Variants in DAB2IP observed in about 807,000 individuals in gnomAD.
The protein encoded by DAB2IP is DAB2 interacting protein.
In DAB2IP, 28 loss-of-function variants were observed where a neutral mutation model predicts 107.2. The observed-to-expected ratio is 0.26, with a 90% CI of 0.19 to 0.36. The LOEUF (loss-of-function observed/expected upper bound fraction) is 0.36. DAB2IP is among the 10% of genes least tolerant of loss of function. The probability of loss-of-function intolerance (pLI) is 1.00; values close to 1 mark genes in which losing one functional copy is unlikely to be tolerated. For missense variants in DAB2IP, 1,400 were observed against 1,644.7 expected, an observed-to-expected ratio of 0.85 and a Z score of 2.57; for synonymous variants, 755 against 706.4, an observed-to-expected ratio of 1.07 and a Z score of -1.09.
intron 1 of DAB2IP, among the ~76,000 whole-genome samples, chr9:121,654,578 T>C (rs1386147925): frequency 6.6e-6 from 1 of 151,996 alleles, no homozygotes; most frequent in African/African-American, 2.4e-5. Context: ...AGGGCAGCCA[T>C]TGCCCTCCCT....
intron 1 of DAB2IP, among the ~76,000 whole-genome samples, chr9:121,640,837 A>C (rs1193669911): frequency 6.6e-6 from 1 of 152,146 alleles, no homozygotes; most frequent in African/African-American, 2.4e-5. Context: ...GGCCTTCTGC[A>C]GTTCCCAGTT....
chr9:121,765,206 C>G (rs773065780), intron 8 of DAB2IP, among the ~76,000 whole-genome samples: 1 of 151,824 alleles, frequency 6.6e-6, no homozygotes, highest in Non-Finnish European at 1.5e-5. Context: ...CTTTCCCCCT[C>G]CCCCTCTTCC....
intron 1 of DAB2IP, among the ~76,000 whole-genome samples, chr9:121,665,356 A>G (rs946120755): frequency 6.6e-6 from 1 of 152,222 alleles, no homozygotes; most frequent in African/African-American, 2.4e-5. Context: ...GAAAATAAAT[A>G]AAGAAAAGAA....
chr9:121,646,101 G>A (rs1024560929), intron 1 of DAB2IP, among the ~76,000 whole-genome samples: 2 of 152,184 alleles, frequency 1.3e-5, no homozygotes, highest in African/African-American at 2.4e-5. Flanking sequence ...GTGTTCAAAT[G>A]TCCACGCTTG....
Position 121,593,101 on chromosome 9 carries a change from T to C in DAB2IP, c.40+25873T>C, listed in dbSNP as rs73661786. ...GAACGCGCCTGAATTTTTTAAATAA[T>C]TGAGACAGGGTCTTGTCTGCTGCCC... On this transcript the variant is annotated intron_variant, in intron 1 of 16. Transcript: ENST00000259371. Among the ~76,000 whole-genome samples the C allele has an allele frequency of 4.4e-3, 675 of 152,282 alleles. 7 individuals are homozygous for C. The highest frequency in any genetic ancestry group is 0.016 in the African/African-American group (647 of 41,558).
chr9:121,777,854 C>T (rs1181915485), intron 14 of DAB2IP, among the ~76,000 whole-genome samples: 1 of 152,246 alleles, frequency 6.6e-6, no homozygotes, highest in Non-Finnish European at 1.5e-5. Context: ...GAATTAACCT[C>T]TTTGTCATTA....
At chr9:121,705,214 G>T (rs1007720476) in intron 3 of DAB2IP, among the ~76,000 whole-genome samples, 2 of 152,240 alleles carry the variant, frequency 1.3e-5, no homozygotes, top group Non-Finnish European at 2.9e-5. Flanking sequence ...AAAGGCTGGA[G>T]AAGCCTTTCT....
chr9:121,778,134 C>G (rs548360313), intron 14 of DAB2IP, among the ~76,000 whole-genome samples: 18 of 152,342 alleles, frequency 1.2e-4, no homozygotes, highest in African/African-American at 4.3e-4. Flanking sequence ...TAGTGACTCT[C>G]TGCTTCATAT....
exon 1 of DAB2IP, chr9:121,567,140 G>C (rs749679985): frequency 6.2e-7 from 1 of 1,613,118 alleles, no homozygotes; most frequent in African/African-American, 1.3e-5. Context: ...CATGGAGACA[G>C]CCTCGGTTCA....
In DAB2IP at chr9:121,776,362, G is replaced by A. The variant is rs1186982778; in HGVS notation, c.3285G>A (p.Lys1095=). The stretch of plus-strand genomic sequence containing the variant: ...GGCTGCGGCGGCAGCAGGAGGACAA[G>A]GACATCCAGATGAAGGGCATCATCA... The change falls in exon 14 of 16, where the codon AAG becomes AAA. Residue 1095 remains lysine (K), a synonymous_variant. Transcript: ENST00000408936. The surrounding 1 kb of genome is among the most constrained non-coding windows in gnomAD (Gnocchi z 5.4). The A allele has an allele frequency of 2.6e-6, 4 of 1,549,664 alleles. No homozygotes were observed. Among genetic ancestry groups the A allele is most frequent in the African/African-American group, 2.7e-5 (2 of 73,220 alleles).
intron 3 of DAB2IP, among the ~76,000 whole-genome samples, chr9:121,750,331 G>A (rs976425352): frequency 1.4e-5 from 2 of 142,830 alleles, no homozygotes; most frequent in African/African-American, 2.6e-5. Context: ...GCGCGCGCGC[G>A]TGTGTGTGTG....
intron 13 of DAB2IP, among the ~76,000 whole-genome samples, chr9:121,774,741 G>A (rs1033430011): frequency 7.2e-5 from 11 of 152,188 alleles, no homozygotes; most frequent in African/African-American, 2.7e-4. Flanking sequence ...AGGACCTGGG[G>A]GTTGAGGGCT....
At position 121,699,760 on chromosome 9, in the gene DAB2IP, G is replaced by T. The variant is rs543312644; in HGVS notation, c.362+302G>T. Among the ~76,000 whole-genome samples the T allele has an allele frequency of 9.2e-5, 14 of 152,312 alleles. No homozygotes were observed. Among genetic ancestry groups the T allele is most frequent in the African/African-American group, 3.4e-4 (14 of 41,584 alleles). On this transcript the variant is annotated intron_variant, in intron 3 of 15. Transcript: ENST00000408936. The surrounding 1 kb of genome is among the most constrained non-coding windows in gnomAD (Gnocchi z 6.2). ...GGAAGTCCTGCCTCGCCTGTCCGAG[G>T]TGGGCATTGTTTCCCGGGCCGTGCG...
At chr9:121,667,680 T>A (rs909939328) in intron 1 of DAB2IP, among the ~76,000 whole-genome samples, 1 of 149,114 alleles carries the variant, frequency 6.7e-6, no homozygotes. Flanking sequence ...TTTTTTTTAA[T>A]ACAGATGGAG....
intron 2 of DAB2IP, among the ~76,000 whole-genome samples, chr9:121,686,935 A>G (rs1828911875): frequency 1.3e-5 from 2 of 152,188 alleles, no homozygotes; most frequent in Non-Finnish European, 2.9e-5. Flanking sequence ...CAGCCCTGGC[A>G]GTAGAAGGTG....
At chr9:121,717,695 G>C (rs1017460161) in intron 3 of DAB2IP, among the ~76,000 whole-genome samples, 1 of 152,210 alleles carries the variant, frequency 6.6e-6, no homozygotes, top group Non-Finnish European at 1.5e-5. Context: ...ACTGAGAGGA[G>C]GCCCGGGTGA....
intron 1 of DAB2IP, among the ~76,000 whole-genome samples, chr9:121,661,753 C>T (rs186180833): frequency 7.2e-5 from 11 of 152,300 alleles, no homozygotes; most frequent in Admixed American, 5.2e-4. Context: ...GAGGCCAAGG[C>T]GGGAGGATCA....
At chr9:121,762,279 T>C (rs1388409123) in intron 6 of DAB2IP, among the ~76,000 whole-genome samples, 1 of 152,190 alleles carries the variant, frequency 6.6e-6, no homozygotes, top group Non-Finnish European at 1.5e-5. Flanking sequence ...GGGTCCTGGC[T>C]CTCAGGAAGT....
chr9:121,732,625 G>A (rs529228257), intron 3 of DAB2IP, among the ~76,000 whole-genome samples: 7 of 152,300 alleles, frequency 4.6e-5, no homozygotes, highest in African/African-American at 1.7e-4. Flanking sequence ...AACTAGGTGA[G>A]TGGGGAGCTT....
Sources: gnomAD v4.1 joint callset for allele counts (sites outside exome capture counted in the v4.1 genomes callset) on GRCh38, gnomAD v4.1.1 for gene constraint, Gnocchi (gnomAD v3.1) non-coding constraint, MANE v1.5 for transcripts, NCBI Gene and HGNC (gene_info 2026-07-23, HGNC 2026-07-21) for gene names.